Variants in ADPGK observed in about 807,000 individuals in gnomAD.
ADPGK encodes the protein ADP dependent glucokinase.
In ADPGK, 26 loss-of-function variants were observed where a neutral mutation model predicts 42.4. The ratio of observed to expected loss-of-function variants is 0.61; its 90% CI spans 0.45 to 0.85. ADPGK has a LOEUF of 0.85. Ranked by LOEUF, ADPGK falls within the 40% of genes least tolerant of loss-of-function variation. The probability of loss-of-function intolerance (pLI) is 0.00; values close to 1 mark genes in which losing one functional copy is unlikely to be tolerated. For missense variants in ADPGK, 571 were observed against 627.0 expected (o/e 0.91, Z 0.95); for synonymous variants, 267 against 252.6 (o/e 1.06, Z -0.54).
chr15:72,752,835 G>C lies in ADPGK; in HGVS notation c.1000C>G (p.Gln334Glu), dbSNP rs2066065322. The C allele has an allele frequency of 1.2e-6, 2 of 1,614,192 alleles. No individual in the cohort carries two copies. The highest frequency in any genetic ancestry group is 1.7e-6 in the Non-Finnish European group (2 of 1,180,018). ...GAAGAGTGAGGTCCAGAGGCTGACTGGGTGAGAAATAACAGCTCCTGTTCA... is the reference window on the plus strand; with the variant it reads ...GAAGAGTGAGGTCCAGAGGCTGACTCGGTGAGAAATAACAGCTCCTGTTCA... The part of the protein sequence containing the change: ...LNEQELLFLT[Q>E]SASGPHSSLS... The change falls in exon 7 of 7, where the codon CAG becomes GAG. Residue 334 changes from glutamine to glutamate, a missense_variant. Gln to Glu is a conservative substitution (Grantham distance 29, BLOSUM62 2). Coordinates refer to ENST00000456471, the MANE Select transcript of ADPGK (RefSeq NM_001365225.1).
chr15:72,755,602 A>G lies in ADPGK; in HGVS notation c.893T>C (p.Leu298Pro). ...GAGCTCCCTGTTAGTCATACTGGCC[A>G]GCTCTAGGTGAACTGGAATACCAGT... The part of the protein sequence containing the change: ...IPTGIPVHLE[L>P]ASMTNRELMS... The change falls in exon 6 of 7, where the codon CTG becomes CCG. Residue 298 changes from leucine (L) to proline (P), a missense_variant. Leu to Pro is a moderately conservative substitution (Grantham distance 98, BLOSUM62 -3). This residue lies in a region of ADPGK where 434 missense variants were observed against 522.7 expected (regional missense o/e 0.83). Coordinates refer to ENST00000456471, the MANE Select transcript of ADPGK (RefSeq NM_001365225.1). 6.2e-7 allele frequency: 1 copy of G among 1,614,168 alleles called. No individual in the cohort carries two copies.
intron 3 of ADPGK, among the ~76,000 whole-genome samples, chr15:72,767,709 G>C (rs1275732337): frequency 6.6e-6 from 1 of 152,104 alleles, no homozygotes; most frequent in East Asian, 1.9e-4. Flanking sequence ...CCATGAATGG[G>C]CTATTAAATG....
In ADPGK at chr15:72,755,623, C is replaced by T. The variant is rs757366186; in HGVS notation, c.872G>A (p.Gly291Asp). The T allele has an allele frequency of 1.9e-6, 3 of 1,613,934 alleles. No individual in the cohort carries two copies. Among genetic ancestry groups the T allele is most frequent in the African/African-American group, 2.7e-5 (2 of 74,998 alleles). Reference protein sequence around the residue: ...VVTSISDIPTGIPVHLELASM... With the variant: ...VVTSISDIPTDIPVHLELASM... ...GGCCAGCTCTAGGTGAACTGGAATA[C>T]CAGTGGGGATGTCAGAAATGGAGGT... The change falls in exon 6 of 7, where the codon GGT (glycine) becomes GAT (aspartate). Residue 291 changes from glycine (G) to aspartate (D), a missense_variant. By Grantham distance (94) the Gly-to-Asp change is moderately conservative. Transcript: ENST00000456471.
At position 72,751,881 on chromosome 15, in the gene ADPGK, T is replaced by C. The variant is rs184928106; in HGVS notation, c.*460A>G. 1 of 165,460 alleles carries C rather than the reference T, an allele frequency of 6.0e-6. No homozygotes were observed. Among genetic ancestry groups the C allele is most frequent in the African/African-American group, 2.4e-5 (1 of 41,746 alleles). The allele number at this position is 165,460 out of a possible 1,614,324, so 10.2% of individuals were successfully genotyped here. On this transcript the variant is annotated 3_prime_UTR_variant, in exon 7 of 7. Transcript: ENST00000456471. ...CTGAGAAGGTTATGCTCATTAAATA[T>C]TGTCATTGTAACACGGAATGGAAAT... is the stretch of plus-strand genomic sequence containing the variant.
chr15:72,779,357 T>C (rs2066429072), intron 1 of ADPGK, among the ~76,000 whole-genome samples: 2 of 150,472 alleles, frequency 1.3e-5, no homozygotes, highest in Admixed American at 1.3e-4. Context: ...GAAGCGATTC[T>C]CCTGCCTCAG....
chr15:72,752,329 C>T lies in ADPGK; in HGVS notation c.*12G>A, dbSNP rs748736889. 1.3e-6 allele frequency: 2 copies of T among 1,589,780 alleles called. No individual in the cohort carries two copies. Reference sequence around the variant, plus strand: ...TTCTCCTTCCTCAGAAAAATTACCCCTAAGAATCTTCCTAATAGTGAGGGT... The same window carrying T: ...TTCTCCTTCCTCAGAAAAATTACCCTTAAGAATCTTCCTAATAGTGAGGGT... On this transcript the variant is annotated 3_prime_UTR_variant, in exon 7 of 7. Coordinates refer to ENST00000456471, the MANE Select transcript of ADPGK (RefSeq NM_001365225.1).
intron 3 of ADPGK, among the ~76,000 whole-genome samples, chr15:72,765,093 T>C (rs2066241780): frequency 6.6e-6 from 1 of 152,074 alleles, no homozygotes; most frequent in Non-Finnish European, 1.5e-5. Flanking sequence ...AGAAGGATGA[T>C]GTTTTCACAC....
rs2066336153 is a variant in ADPGK, at chr15:72,772,127, G to A, written c.460-282C>T. ...TTACAGACAGCCAGAAGAGACACAG[G>A]AAACAGGAAAAGTGTGGACAGGGCT... On this transcript the variant is annotated intron_variant, in intron 2 of 6. Coordinates refer to ENST00000456471, the MANE Select transcript of ADPGK (RefSeq NM_001365225.1). Among the ~76,000 whole-genome samples the A allele has an allele frequency of 2.6e-5, 4 of 152,178 alleles. No homozygotes were observed. The South Asian group carries it at 8.3e-4, about 31-fold the overall frequency.
chr15:72,783,720 C>A lies in ADPGK; in HGVS notation c.-29G>T, dbSNP rs1276111760. On this transcript the variant is annotated 5_prime_UTR_variant, in exon 1 of 7. Transcript: ENST00000456471. Reference sequence around the variant, plus strand: ...GACCCAGGCGCCGCACCTGCGCGAACCAACTCCTTTCCTAGCCCGCGCCTC... The same window carrying A: ...GACCCAGGCGCCGCACCTGCGCGAAACAACTCCTTTCCTAGCCCGCGCCTC... 29 of 1,438,058 alleles carry A rather than the reference C, an allele frequency of 2.0e-5. No homozygotes were observed. The Admixed American group carries it at 7.9e-4, about 39-fold the overall frequency. The allele number at this position is 1,438,058 out of a possible 1,614,324, so 89.1% of individuals were successfully genotyped here.
At chr15:72,765,219 G>A (rs1366071466) in intron 3 of ADPGK, among the ~76,000 whole-genome samples, 1 of 152,136 alleles carries the variant, frequency 6.6e-6, no homozygotes, top group Non-Finnish European at 1.5e-5. Context: ...CACGATCTCA[G>A]CCCACTGCAA....
chr15:72,764,823 G>A (rs2066238188), intron 3 of ADPGK, among the ~76,000 whole-genome samples: 1 of 152,136 alleles, frequency 6.6e-6, no homozygotes, highest in African/African-American at 2.4e-5. Flanking sequence ...AACACAGCTG[G>A]TGACTAAGTT....
At chr15:72,760,194 C>G in intron 4 of ADPGK, 1 of 378,134 alleles carries the variant, frequency 2.6e-6, no homozygotes. Context: ...GCTTGTAGAC[C>G]TGGGAATTTT....
chr15:72,754,090 T>C (rs2066081106), intron 6 of ADPGK, among the ~76,000 whole-genome samples: 1 of 145,144 alleles, frequency 6.9e-6, no homozygotes, highest in Admixed American at 6.8e-5. Context: ...AAAAATGAAG[T>C]CTATCAAAAA....
chr15:72,764,401 C>T (rs757500874), intron 3 of ADPGK, among the ~76,000 whole-genome samples: 1 of 152,236 alleles, frequency 6.6e-6, no homozygotes, highest in Non-Finnish European at 1.5e-5. Flanking sequence ...CTACAACATT[C>T]CCTTAAGCCA....
chr15:72,780,425 G>T (rs2066443367), intron 1 of ADPGK, among the ~76,000 whole-genome samples: 1 of 152,174 alleles, frequency 6.6e-6, no homozygotes, highest in Admixed American at 6.5e-5. Context: ...TCTCTCCCTT[G>T]ATTAGCTTAT....
At chr15:72,768,574 A>G (rs943083224) in intron 3 of ADPGK, among the ~76,000 whole-genome samples, 2 of 152,138 alleles carry the variant, frequency 1.3e-5, no homozygotes, top group African/African-American at 4.8e-5. Flanking sequence ...AGGCTGAGGC[A>G]TGAGAATCAC....
Position 72,757,202 on chromosome 15 carries a change from T to C in ADPGK, c.644-755A>G, listed in dbSNP as rs1411596432. 8 of 11,664 alleles carry C rather than the reference T, an allele frequency of 6.9e-4. No individual in the cohort carries two copies. The East Asian group carries it at 0.019, about 27-fold the overall frequency. 0.7% of individuals were successfully genotyped at this position (11,664 alleles called of 1,614,324 possible). ...TTTGCAATTCCTTTTTCTTTTTTCC[T>C]TTTTTTTTTTTTTTTTTCTTCTGAG... is the stretch of plus-strand genomic sequence containing the variant. On this transcript the variant is annotated intron_variant, in intron 4 of 6. Coordinates refer to ENST00000456471, the MANE Select transcript of ADPGK (RefSeq NM_001365225.1).
At chr15:72,760,849 A>C (rs2066183867) in intron 3 of ADPGK, among the ~76,000 whole-genome samples, 1 of 152,056 alleles carries the variant, frequency 6.6e-6, no homozygotes, top group South Asian at 2.1e-4. Flanking sequence ...TCACCTCCCC[A>C]AATTTAGATG....
chr15:72,761,420 C>T (rs548774335), intron 3 of ADPGK, among the ~76,000 whole-genome samples: 2 of 152,298 alleles, frequency 1.3e-5, no homozygotes, highest in Non-Finnish European at 2.9e-5. Context: ...ATAGGACAGC[C>T]TTTCCAATAT....
Sources: allele counts gnomAD v4.1 joint callset (sites outside exome capture counted in the v4.1 genomes callset), GRCh38; gene constraint gnomAD v4.1.1; regional missense constraint gnomAD v4.1.1; transcripts MANE v1.5; gene names NCBI Gene and HGNC (gene_info 2026-07-23, HGNC 2026-07-21).